SPTLC3: variants seen among roughly 807,000 people sequenced by gnomAD.
SPTLC3 encodes the protein serine palmitoyltransferase 3.
A neutral mutation model predicts 59.3 loss-of-function variants in SPTLC3; 36 were observed. The ratio of observed to expected loss-of-function variants is 0.61; its 90% confidence interval spans 0.47 to 0.80. The LOEUF (loss-of-function observed/expected upper bound fraction) is 0.80, where lower values mean the gene tolerates loss of function less well. Ranked by LOEUF, SPTLC3 falls within the 30% of genes least tolerant of loss-of-function variation. SPTLC3 has a pLI of 0.00. For synonymous variants in SPTLC3, 257 were observed against 240.8 expected (o/e 1.07, Z -0.62); for missense variants, 625 against 685.1 (o/e 0.91, Z 0.98).
chr20:13,011,386 G>A (rs541956569), intron 1 of SPTLC3, among the ~76,000 whole-genome samples: 1 of 152,272 alleles, frequency 6.6e-6, no homozygotes, highest in African/African-American at 2.4e-5. Flanking sequence ...AACGTCTTCT[G>A]CCGCAGCATC....
intron 9 of SPTLC3, among the ~76,000 whole-genome samples, chr20:13,140,943 C>T (rs1363902845): frequency 1.3e-5 from 2 of 152,068 alleles, no homozygotes; most frequent in African/African-American, 4.8e-5. Context: ...TGCCTCTAAC[C>T]CAATGTGGAC....
chr20:13,125,506 TA>T (rs1402768324), intron 8 of SPTLC3, among the ~76,000 whole-genome samples: 1 of 152,212 alleles, frequency 6.6e-6, no homozygotes, highest in Non-Finnish European at 1.5e-5. Flanking sequence ...ATTTGGTGTC[TA>T]AAAACACCAC....
chr20:13,016,131 G>A (rs567705971), intron 1 of SPTLC3, among the ~76,000 whole-genome samples: 28 of 152,014 alleles, frequency 1.8e-4, no homozygotes, highest in African/African-American at 6.7e-4. Context: ...CAAAAGCTAT[G>A]ATGAGGGAAA....
chr20:13,166,464 G>T lies in SPTLC3; in HGVS notation c.*1597G>T, dbSNP rs1225765332. On this transcript the variant is annotated 3_prime_UTR_variant, in exon 12 of 12. Transcript: ENST00000399002. ...TTACAAGTTGTAAGGAATACCGTTAGTGAAAGAGGAAAAGAAGTGGGTTCT... is the reference window on the plus strand; with the variant it reads ...TTACAAGTTGTAAGGAATACCGTTATTGAAAGAGGAAAAGAAGTGGGTTCT... 2 of 152,332 alleles carry T rather than the reference G, an allele frequency of 1.3e-5. No homozygotes were observed. The highest frequency in any genetic ancestry group is 1.3e-4 in the Admixed American group (2 of 15,302). The allele number at this position is 152,332 out of a possible 1,614,324, so 9.4% of individuals were successfully genotyped here.
At chr20:13,153,037 A>T (rs1373942877) in intron 9 of SPTLC3, among the ~76,000 whole-genome samples, 1 of 152,212 alleles carries the variant, frequency 6.6e-6, no homozygotes, top group Non-Finnish European at 1.5e-5. Flanking sequence ...CAATAAGACG[A>T]AAGACTGTAG....
At chr20:13,145,857 T>C (rs1282601134) in intron 9 of SPTLC3, among the ~76,000 whole-genome samples, 1 of 152,176 alleles carries the variant, frequency 6.6e-6, no homozygotes, top group African/African-American at 2.4e-5. Context: ...CCATCTGATC[T>C]TCAACAAACT....
At chr20:13,134,507 G>A (rs1225437076) in intron 9 of SPTLC3, among the ~76,000 whole-genome samples, 1 of 152,098 alleles carries the variant, frequency 6.6e-6, no homozygotes, top group African/African-American at 2.4e-5. Flanking sequence ...GTGATTACAA[G>A]GTCATCATAC....
At chr20:13,119,735 A>C (rs1990795481) in intron 8 of SPTLC3, among the ~76,000 whole-genome samples, 1 of 152,184 alleles carries the variant, frequency 6.6e-6, no homozygotes, top group Non-Finnish European at 1.5e-5. Flanking sequence ...TCTGGCAGAG[A>C]TTCGTTAGCC....
At chr20:13,106,718 A>C (rs185702956) in intron 6 of SPTLC3, among the ~76,000 whole-genome samples, 215 of 152,330 alleles carry the variant, frequency 1.4e-3, no homozygotes, top group African/African-American at 4.9e-3. Flanking sequence ...ACCGTGCCCT[A>C]CGTGCCATTA....
At chr20:13,114,901 T>C (rs1355363429) in intron 7 of SPTLC3, among the ~76,000 whole-genome samples, 1 of 152,160 alleles carries the variant, frequency 6.6e-6, no homozygotes, top group African/African-American at 2.4e-5. Context: ...AAGGAGGCTT[T>C]TCACTTAGCT....
chr20:13,118,449 G>GAAA (rs940467763), intron 8 of SPTLC3, among the ~76,000 whole-genome samples: 32 of 128,146 alleles, frequency 2.5e-4, no homozygotes, highest in African/African-American at 8.4e-4. Flanking sequence ...GAGGTTTGTG[G>GAAA]AAAAAAAAAA....
chr20:13,114,746 C>T (rs1990438302), intron 7 of SPTLC3, among the ~76,000 whole-genome samples: 1 of 152,236 alleles, frequency 6.6e-6, no homozygotes, highest in South Asian at 2.1e-4. Context: ...TTCCACCTTG[C>T]TTTCTTGTTT....
intron 4 of SPTLC3, 115 bp from the exon 5 acceptor site, chr20:13,090,968 G>T: frequency 7.2e-7 from 1 of 1,394,062 alleles, no homozygotes; most frequent in South Asian, 1.4e-5. Flanking sequence ...AAATCTTCCT[G>T]CTACAAGCAC....
At chr20:13,096,572 G>A (rs959581883) in intron 6 of SPTLC3, among the ~76,000 whole-genome samples, 1 of 151,976 alleles carries the variant, frequency 6.6e-6, no homozygotes, top group African/African-American at 2.4e-5. Context: ...TTCATTTGTA[G>A]TCAATTCAAA....
In SPTLC3 at chr20:13,091,029, A is replaced by G. The variant is rs144437142; in HGVS notation, c.608-54A>G. On this transcript the variant is annotated intron_variant, in intron 4 of 11. Transcript: ENST00000399002. ...GTACGTACTGGAATTTGAGTTTTCA[A>G]TCTTGGCCTTGTTGAAAAGAGAAGG... 1,919 of 1,603,396 alleles carry G rather than the reference A, an allele frequency of 1.2e-3. 18 individuals are homozygous for G. The African/African-American group carries it at 0.023, about 19-fold the overall frequency.
chr20:13,050,490 T>C (rs1987439839), intron 2 of SPTLC3: 1 of 152,210 alleles, frequency 6.6e-6, no homozygotes, highest in Non-Finnish European at 1.5e-5. Context: ...AAGAGAATTC[T>C]AAAAGCCTGG....
intron 10 of SPTLC3, among the ~76,000 whole-genome samples, chr20:13,155,539 C>T (rs1382227513): frequency 2.0e-5 from 3 of 152,090 alleles, no homozygotes. Flanking sequence ...TTAAAACACA[C>T]ATGAAGGCTG....
chr20:13,028,928 A>G (rs1052978082), intron 1 of SPTLC3, among the ~76,000 whole-genome samples: 2 of 152,216 alleles, frequency 1.3e-5, no homozygotes, highest in African/African-American at 4.8e-5. Flanking sequence ...TCAAACAGGT[A>G]TAGTCACTTG....
At chr20:13,065,763 TCTC>T (rs1318516596) in intron 2 of SPTLC3, among the ~76,000 whole-genome samples, 19 of 152,108 alleles carry the variant, frequency 1.2e-4, no homozygotes, top group Non-Finnish European at 8.8e-5. Context: ...TTTTTTTACT[TCTC>T]CTTTTTTAAA....
Sources: gnomAD v4.1 joint callset for allele counts (sites outside exome capture counted in the v4.1 genomes callset) on GRCh38, gnomAD v4.1.1 for gene constraint, MANE v1.5 for transcripts, NCBI Gene and HGNC (gene_info 2026-07-23, HGNC 2026-07-21) for gene names.